Variants in CDC42BPA observed in about 807,000 individuals in gnomAD.
The protein encoded by CDC42BPA is serine/threonine-protein kinase MRCK alpha.
CDC42BPA carries 80 observed loss-of-function variants against 223.5 expected under a neutral mutation model. That is an observed-to-expected ratio of 0.36 (90% CI 0.30 to 0.43). The LOEUF (loss-of-function observed/expected upper bound fraction) is 0.43, where lower values mean the gene tolerates loss of function less well. Ranked by LOEUF, CDC42BPA falls within the 20% of genes least tolerant of loss-of-function variation. The probability of loss-of-function intolerance (pLI) is 1.00; values close to 1 mark genes in which losing one functional copy is unlikely to be tolerated. For synonymous variants in CDC42BPA, 694 were observed against 718.6 expected (o/e 0.97, Z 0.55); for missense variants, 1,743 against 2,099.9 (o/e 0.83, Z 3.32).
At chr1:227,112,562 T>C (rs111425213) in intron 13 of CDC42BPA, 109 bp downstream of exon 13, 8 of 972,174 alleles carry the variant, frequency 8.2e-6, no homozygotes, top group South Asian at 4.1e-5. Context: ...TAATGAACTA[T>C]AAAAATAACT....
chr1:227,167,685 T>G (rs1665280915), intron 5 of CDC42BPA, among the ~76,000 whole-genome samples: 1 of 152,174 alleles, frequency 6.6e-6, no homozygotes. Flanking sequence ...CCCTATGACC[T>G]CAAATCTCTG....
chr1:227,043,382 C>T (rs555255780), intron 23 of CDC42BPA, among the ~76,000 whole-genome samples: 7 of 150,196 alleles, frequency 4.7e-5, no homozygotes, highest in South Asian at 2.1e-4. Flanking sequence ...CACTGCACTC[C>T]GGCCTGGCGA....
intron 1 of CDC42BPA, among the ~76,000 whole-genome samples, chr1:227,276,514 C>T (rs1247626609): frequency 1.3e-5 from 2 of 150,758 alleles, no homozygotes; most frequent in Non-Finnish European, 3.0e-5. Flanking sequence ...CCCCTCCCGG[C>T]AGTCACCCCG....
intron 1 of CDC42BPA, among the ~76,000 whole-genome samples, chr1:227,307,061 TAG>T (rs147913764): frequency 0.018 from 2,706 of 152,286 alleles, 84 homozygotes; most frequent in African/African-American, 0.061. Flanking sequence ...TACCAATGGT[TAG>T]AGAGGTAACT....
Position 227,144,746 on chromosome 1 carries a change from G to A in CDC42BPA, c.1143+743C>T, listed in dbSNP as rs180939644. 4.6e-3 allele frequency among the ~76,000 whole-genome samples: 704 copies of A among 152,180 alleles called. 4 individuals carry two copies. Among genetic ancestry groups the A allele is most frequent in the African/African-American group, 0.016 (675 of 41,512 alleles). The stretch of plus-strand genomic sequence containing the variant: ...TGGCATGGCTCACAAGTTAAGAATG[G>A]TTGAATTATTTGGCTATTGGACTGG... On this transcript the variant is annotated intron_variant, in intron 8 of 36. Transcript: ENST00000366766.
At chr1:227,055,102 G>A (rs1674285449) in intron 21 of CDC42BPA, among the ~76,000 whole-genome samples, 1 of 151,868 alleles carries the variant, frequency 6.6e-6, no homozygotes, top group African/African-American at 2.4e-5. Context: ...TACTTTCAAA[G>A]TGTGTTTCTT....
intron 17 of CDC42BPA, among the ~76,000 whole-genome samples, chr1:227,079,106 A>T (rs1680098397): frequency 6.6e-6 from 1 of 152,160 alleles, no homozygotes; most frequent in Admixed American, 6.5e-5. Flanking sequence ...TTGAAGTGGT[A>T]AGAAAGTTGA....
chr1:227,065,858 G>C (rs1374529751), intron 21 of CDC42BPA, among the ~76,000 whole-genome samples: 1 of 152,104 alleles, frequency 6.6e-6, no homozygotes, highest in Non-Finnish European at 1.5e-5. Context: ...CTTGATTCCT[G>C]CAATTCTAGT....
At chr1:227,027,628 C>A in intron 30 of CDC42BPA, among the ~76,000 whole-genome samples, 1 of 152,142 alleles carries the variant, frequency 6.6e-6, no homozygotes, top group Non-Finnish European at 1.5e-5. Context: ...TTCTACAGAA[C>A]TCTCTACTTC....
chr1:226,999,612 G>A (rs559514350), intron 35 of CDC42BPA, among the ~76,000 whole-genome samples: 3 of 152,192 alleles, frequency 2.0e-5, no homozygotes, highest in South Asian at 2.1e-4. Context: ...TATACTCAAA[G>A]GATTATAAAT....
chr1:227,132,073 A>G (rs575207334), intron 10 of CDC42BPA, among the ~76,000 whole-genome samples: 2 of 152,106 alleles, frequency 1.3e-5, no homozygotes, highest in South Asian at 2.1e-4. Flanking sequence ...TGAAAAAATT[A>G]CCTCACCCCA....
At position 227,317,924 on chromosome 1, in the gene CDC42BPA, C is replaced by A. The variant is rs547973846; in HGVS notation, c.-742G>T. The A allele has an allele frequency of 6.5e-5, 26 of 398,350 alleles. No individual in the cohort carries two copies. Among genetic ancestry groups the A allele is most frequent in the Non-Finnish European group, 1.1e-4 (24 of 225,984 alleles). 24.7% of individuals were successfully genotyped at this position (398,350 alleles called of 1,614,324 possible). ...GATTCCGGTGAAAACTCTTCATTTT[C>A]CTCCCGGCTTCACCCTAGGGCCTGA... is the stretch of plus-strand genomic sequence containing the variant. On this transcript the variant is annotated 5_prime_UTR_variant, in exon 1 of 37. Coordinates refer to ENST00000366766, the MANE Select transcript of CDC42BPA (RefSeq NM_001394014.1).
chr1:227,085,399 T>G lies in CDC42BPA; in HGVS notation c.2356-4382A>C, dbSNP rs535490278. 6.6e-5 allele frequency among the ~76,000 whole-genome samples: 10 copies of G among 152,382 alleles called. No individual in the cohort carries two copies. In the East Asian group the frequency reaches 1.9e-3, roughly 29 times the overall value. The stretch of plus-strand genomic sequence containing the variant: ...GCCATTTAAAAATGTAAAGATCATT[T>G]TTATTCTGTGGGTCAGACAAAAACA... On this transcript the variant is annotated intron_variant, in intron 16 of 36. Transcript: ENST00000366766.
Position 227,000,029 on chromosome 1 carries a change from C to T in CDC42BPA, c.4975+4965G>A, listed in dbSNP as rs561586370. On this transcript the variant is annotated intron_variant, in intron 35 of 36. Transcript: ENST00000366766. The stretch of plus-strand genomic sequence containing the variant: ...CGGGTTGATGGGTGCAGCAAACTAC[C>T]ATGGCACATGTATACCTATGTAACA... Among the ~76,000 whole-genome samples the T allele has an allele frequency of 3.3e-5, 5 of 151,830 alleles. No homozygotes were observed. In the South Asian group the frequency reaches 1.0e-3, roughly 32 times the overall value.
intron 10 of CDC42BPA, among the ~76,000 whole-genome samples, chr1:227,129,882 A>G (rs1375829488): frequency 1.3e-5 from 2 of 151,982 alleles, no homozygotes; most frequent in Admixed American, 6.6e-5. Flanking sequence ...AATCTGGTTT[A>G]CAAATGGAGA....
intron 21 of CDC42BPA, 127 bp from the exon 22 acceptor site, chr1:227,052,112 G>A: frequency 4.4e-6 from 2 of 451,970 alleles, no homozygotes; most frequent in South Asian, 3.5e-5. Context: ...ACAAACTTTA[G>A]TTTGAATATT....
chr1:227,043,280 G>C (rs1460122028), intron 23 of CDC42BPA, among the ~76,000 whole-genome samples: 1 of 151,960 alleles, frequency 6.6e-6, no homozygotes, highest in Non-Finnish European at 1.5e-5. Flanking sequence ...GGGCATGGTG[G>C]CATGCGCCTA....
chr1:227,035,452 C>T lies in CDC42BPA; in HGVS notation c.3336+19G>A, dbSNP rs1171042481. On this transcript the variant is annotated intron_variant, in intron 25 of 36. Transcript: ENST00000366766. Reference sequence around the variant, plus strand: ...TAAATCTTAAAGGATTAATCTAAACCCAACTTAATCATACTTACCCTGACA... The same window carrying T: ...TAAATCTTAAAGGATTAATCTAAACTCAACTTAATCATACTTACCCTGACA... 1 of 1,587,298 alleles carries T rather than the reference C, an allele frequency of 6.3e-7. No individual in the cohort carries two copies.
intron 5 of CDC42BPA, among the ~76,000 whole-genome samples, chr1:227,168,210 C>G (rs550297772): frequency 6.6e-6 from 1 of 152,290 alleles, no homozygotes; most frequent in East Asian, 1.9e-4. Context: ...TAGGCATGAG[C>G]CATCACCCCT....
Sources: gnomAD v4.1 joint callset for allele counts (sites outside exome capture counted in the v4.1 genomes callset) on GRCh38, gnomAD v4.1.1 for gene constraint, MANE v1.5 for transcripts, NCBI Gene and HGNC (gene_info 2026-07-23, HGNC 2026-07-21) for gene names.